Variants in PANX1 observed in about 807,000 individuals in gnomAD.
The protein encoded by PANX1 is pannexin 1.
Under a neutral mutation model 38.7 loss-of-function variants are expected in PANX1, and 30 were observed. The observed-to-expected ratio is 0.78, with a 90% CI of 0.58 to 1.05. The LOEUF (loss-of-function observed/expected upper bound fraction) is 1.05, where lower values mean the gene tolerates loss of function less well. PANX1 is among the 50% of genes least tolerant of loss of function. The pLI, the probability that PANX1 is intolerant of heterozygous loss-of-function variation, is 0.00. For synonymous variants in PANX1, 230 were observed against 212.2 expected (o/e 1.08, Z -0.73); for missense variants, 551 against 517.2 (o/e 1.07, Z -0.63).
At position 94,179,772 on chromosome 11, in the gene PANX1, C is replaced by G. The variant is rs752968821; in HGVS notation, c.716C>G (p.Ser239Ter). 3 of 1,614,146 alleles carry G rather than the reference C, an allele frequency of 1.9e-6. No individual in the cohort carries two copies. In the East Asian group the frequency reaches 6.7e-5, roughly 36 times the overall value. The change falls in exon 4 of 5, where the codon TCA becomes TGA. Residue 239 changes from serine to a stop codon, truncating the protein, a stop_gained. Transcript: ENST00000227638. LOFTEE classifies it high-confidence loss of function. ...CTGGGCTATTACTTCAGCCTCTCCTCACTCTCAGACGAGTTTGTGTGCAGC... is the reference window on the plus strand; with the variant it reads ...CTGGGCTATTACTTCAGCCTCTCCTGACTCTCAGACGAGTTTGTGTGCAGC... ...IYLGYYFSLSSLSDEFVCSIK... is the reference protein window; with the variant it reads ...IYLGYYFSLS
At chr11:94,180,391 T>C in intron 4 of PANX1, 134 bp downstream of exon 4, 2 of 732,036 alleles carry the variant, frequency 2.7e-6, no homozygotes, top group Non-Finnish European at 4.4e-6. Flanking sequence ...AATACCAAGG[T>C]GCGGGGTAGG....
chr11:94,179,783 G>C lies in PANX1; in HGVS notation c.727G>C (p.Glu243Gln). The C allele has an allele frequency of 1.2e-6, 2 of 1,614,088 alleles. No homozygotes were observed. Among genetic ancestry groups the C allele is most frequent in the Middle Eastern group, 1.7e-4 (1 of 6,060 alleles). ...CTTCAGCCTCTCCTCACTCTCAGACGAGTTTGTGTGCAGCATCAAATCAGG... is the reference window on the plus strand; with the variant it reads ...CTTCAGCCTCTCCTCACTCTCAGACCAGTTTGTGTGCAGCATCAAATCAGG... The part of the protein sequence containing the change: ...YYFSLSSLSD[E>Q]FVCSIKSGIL... Residue 243 changes from glutamate to glutamine, a missense_variant, in exon 4 of 5, where the codon GAG becomes CAG. Transcript: ENST00000227638.
At chr11:94,169,769 A>G (rs1947143264) in intron 2 of PANX1, among the ~76,000 whole-genome samples, 1 of 151,686 alleles carries the variant, frequency 6.6e-6, no homozygotes, top group Admixed American at 6.6e-5. Flanking sequence ...GGATCCTGCC[A>G]TGGAGACTCG....
intron 2 of PANX1, among the ~76,000 whole-genome samples, chr11:94,167,728 A>G (rs1947119289): frequency 6.6e-6 from 1 of 152,238 alleles, no homozygotes. Context: ...ACATTTAGTC[A>G]CAGTTGATTT....
At chr11:94,143,610 A>T (rs1490798745) in intron 1 of PANX1, among the ~76,000 whole-genome samples, 1 of 152,212 alleles carries the variant, frequency 6.6e-6, no homozygotes, top group Non-Finnish European at 1.5e-5. Context: ...GGGAAGTAAA[A>T]GAGAAAACCG....
chr11:94,142,109 G>A (rs375966651), intron 1 of PANX1, among the ~76,000 whole-genome samples: 21 of 152,230 alleles, frequency 1.4e-4, no homozygotes, highest in African/African-American at 4.3e-4. Context: ...GTGTGTCTGC[G>A]GGACACAGGA....
At chr11:94,148,855 C>G (rs926369872) in intron 1 of PANX1, among the ~76,000 whole-genome samples, 3 of 152,152 alleles carry the variant, frequency 2.0e-5, no homozygotes, top group Non-Finnish European at 4.4e-5. Flanking sequence ...AGGATTTTCT[C>G]TCCTGGCTCC....
At chr11:94,151,489 T>G (rs1304777201) in intron 1 of PANX1, among the ~76,000 whole-genome samples, 6 of 152,226 alleles carry the variant, frequency 3.9e-5, no homozygotes, top group African/African-American at 9.6e-5. Context: ...GAGTGAGTAC[T>G]TGGACAGATA....
chr11:94,153,080 T>G (rs1036705371), intron 1 of PANX1, among the ~76,000 whole-genome samples: 5 of 152,172 alleles, frequency 3.3e-5, no homozygotes, highest in Non-Finnish European at 5.9e-5. Flanking sequence ...TAAAAGAACT[T>G]GTTTTTTTAG....
intron 2 of PANX1, among the ~76,000 whole-genome samples, chr11:94,168,445 C>G (rs1947127044): frequency 6.6e-6 from 1 of 150,606 alleles, no homozygotes; most frequent in African/African-American, 2.5e-5. Context: ...AGAATAGAGG[C>G]AGGGAGAGCC....
intron 1 of PANX1, among the ~76,000 whole-genome samples, chr11:94,136,934 C>T (rs1046696393): frequency 6.6e-6 from 1 of 151,936 alleles, no homozygotes; most frequent in Non-Finnish European, 1.5e-5. Context: ...GGGGAGGCCT[C>T]GGGAAACACA....
At chr11:94,132,721 C>T (rs1946644963) in intron 1 of PANX1, among the ~76,000 whole-genome samples, 2 of 152,090 alleles carry the variant, frequency 1.3e-5, no homozygotes, top group Non-Finnish European at 1.5e-5. Context: ...ATATAAAATC[C>T]CCTCAAGCGT....
rs1181640745 is a variant in PANX1, at chr11:94,179,914, G to A, written c.858G>A (p.Leu286=). 1 of 1,611,878 alleles carries A rather than the reference G, an allele frequency of 6.2e-7. No homozygotes were observed. Among genetic ancestry groups the A allele is most frequent in the African/African-American group, 1.3e-5 (1 of 74,834 alleles). The change falls in exon 4 of 5, where the codon CTG becomes CTA. Residue 286 remains leucine, a synonymous_variant. Coordinates refer to ENST00000227638, the MANE Select transcript of PANX1 (RefSeq NM_015368.4). ...LSVINLVVYV[L]LAPVVVYTLF... The stretch of plus-strand genomic sequence containing the variant: ...TCATTAACCTTGTGGTTTATGTCCT[G>A]CTGGCTCCCGTGGTTGTCTACACGC...
intron 2 of PANX1, among the ~76,000 whole-genome samples, chr11:94,169,969 A>G (rs1349820089): frequency 6.6e-6 from 1 of 151,786 alleles, no homozygotes; most frequent in East Asian, 1.9e-4. Context: ...ATATTAGTGC[A>G]TGGCTTTCTT....
intron 2 of PANX1, among the ~76,000 whole-genome samples, chr11:94,159,929 C>G (rs1295165901): frequency 1.3e-5 from 2 of 151,642 alleles, no homozygotes; most frequent in Admixed American, 6.6e-5. Context: ...TATGTTGTGT[C>G]TTTGTTCTCG....
At chr11:94,147,049 G>A (rs1362454131) in intron 1 of PANX1, among the ~76,000 whole-genome samples, 1 of 152,034 alleles carries the variant, frequency 6.6e-6, no homozygotes, top group Non-Finnish European at 1.5e-5. Flanking sequence ...GAGAGAGAGG[G>A]TGTATGGCAG....
At chr11:94,162,774 T>C (rs1691001259) in intron 2 of PANX1, among the ~76,000 whole-genome samples, 1 of 152,024 alleles carries the variant, frequency 6.6e-6, no homozygotes, top group Non-Finnish European at 1.5e-5. Context: ...GGTTCCTCAG[T>C]TGGAAATGCA....
intron 2 of PANX1, among the ~76,000 whole-genome samples, chr11:94,176,851 C>G (rs1181577663): frequency 6.6e-6 from 1 of 151,624 alleles, no homozygotes; most frequent in Non-Finnish European, 1.5e-5. Flanking sequence ...GCTTTGTGAT[C>G]TGGGGCCAGA....
chr11:94,129,589 G>GT, intron 1 of PANX1, 96 bp downstream of exon 1: 1 of 1,128,210 alleles, frequency 8.9e-7, no homozygotes, highest in East Asian at 2.5e-5. Flanking sequence ...GGTACGCCCA[G>GT]CTGTGATGGT....
Sources: allele counts gnomAD v4.1 joint callset (sites outside exome capture counted in the v4.1 genomes callset), GRCh38; gene constraint gnomAD v4.1.1; transcripts MANE v1.5; gene names NCBI Gene and HGNC (gene_info 2026-07-23, HGNC 2026-07-21).